PTPRD: variants seen among roughly 807,000 people sequenced by gnomAD.
PTPRD encodes protein tyrosine phosphatase receptor type D.
In PTPRD, 34 loss-of-function variants were observed where a neutral mutation model predicts 214.5. The observed-to-expected ratio is 0.16, with a 90% CI of 0.12 to 0.21. PTPRD has a LOEUF of 0.21. Ranked by LOEUF, PTPRD falls within the 10% of genes least tolerant of loss-of-function variation. The probability of loss-of-function intolerance (pLI) is 1.00; values close to 1 mark genes in which losing one functional copy is unlikely to be tolerated. For missense variants in PTPRD, 2,545 were observed against 2,398.7 expected, an observed-to-expected ratio of 1.06 and a Z score of -1.27; for synonymous variants, 1,128 against 845.7, an observed-to-expected ratio of 1.33 and a Z score of -5.79.
At chr9:9,369,457 T>C (rs1377382762) in intron 9 of PTPRD, among the ~76,000 whole-genome samples, 1 of 152,136 alleles carries the variant, frequency 6.6e-6, no homozygotes, top group Non-Finnish European at 1.5e-5. Flanking sequence ...GGTGGGGTTG[T>C]TTGCTTTTTT....
intron 10 of PTPRD, among the ~76,000 whole-genome samples, chr9:9,172,344 C>G (rs1194708413): frequency 6.6e-6 from 1 of 152,080 alleles, no homozygotes; most frequent in Non-Finnish European, 1.5e-5. Context: ...AACAATGACA[C>G]AGTAGCAAAG....
At chr9:9,520,157 A>T (rs1322303927) in intron 8 of PTPRD, among the ~76,000 whole-genome samples, 1 of 151,396 alleles carries the variant, frequency 6.6e-6, no homozygotes, top group Non-Finnish European at 1.5e-5. Context: ...ATTTTATGAC[A>T]GGGTTTCTGT....
At chr9:10,459,698 G>A (rs776852824) in intron 2 of PTPRD, among the ~76,000 whole-genome samples, 3 of 151,184 alleles carry the variant, frequency 2.0e-5, no homozygotes, top group Non-Finnish European at 4.4e-5. Context: ...TTGCCTAAAT[G>A]TCTTCTTTTG....
intron 9 of PTPRD, among the ~76,000 whole-genome samples, chr9:9,191,223 T>C (rs768158957): frequency 5.9e-5 from 9 of 152,130 alleles, no homozygotes; most frequent in Admixed American, 2.0e-4. Flanking sequence ...GAAGGGCCCA[T>C]GTGGCAAAAG....
chr9:9,126,470 A>G (rs190981424), intron 10 of PTPRD, among the ~76,000 whole-genome samples: 1 of 152,372 alleles, frequency 6.6e-6, no homozygotes, highest in African/African-American at 2.4e-5. Context: ...ATTTTACCAT[A>G]GGTTAACTGA....
At chr9:10,113,356 G>A (rs1272957951) in intron 3 of PTPRD, among the ~76,000 whole-genome samples, 1 of 152,144 alleles carries the variant, frequency 6.6e-6, no homozygotes, top group African/African-American at 2.4e-5. Flanking sequence ...TCAGGCCACT[G>A]GGCTCACAAT....
chr9:8,575,295 T>G (rs1446192648), intron 14 of PTPRD, among the ~76,000 whole-genome samples: 1 of 152,164 alleles, frequency 6.6e-6, no homozygotes, highest in Non-Finnish European at 1.5e-5. Context: ...TCTGAGTGAA[T>G]TGAGTATCCA....
intron 10 of PTPRD, among the ~76,000 whole-genome samples, chr9:9,105,421 G>C (rs574166459): frequency 6.6e-6 from 1 of 152,264 alleles, no homozygotes; most frequent in East Asian, 1.9e-4. Flanking sequence ...AGTGACTATA[G>C]TTGATAAAAA....
chr9:10,530,410 T>C lies in PTPRD; in HGVS notation c.-600+81988A>G, dbSNP rs548930809. On this transcript the variant is annotated intron_variant, in intron 2 of 45. Coordinates refer to ENST00000381196, the MANE Select transcript of PTPRD (RefSeq NM_002839.4). ...AAACCCCATGCAAATGGAGTACATC[T>C]TTTTTACAAACTCACTTTTGTCTTG... Among the ~76,000 whole-genome samples the C allele has an allele frequency of 2.6e-5, 4 of 152,324 alleles. No individual in the cohort carries two copies. The South Asian group carries it at 8.3e-4, about 32-fold the overall frequency.
chr9:10,089,320 T>C (rs1181157911), intron 3 of PTPRD, among the ~76,000 whole-genome samples: 1 of 151,638 alleles, frequency 6.6e-6, no homozygotes, highest in African/African-American at 2.4e-5. Context: ...TTAGTTATGA[T>C]AGTATTTATG....
intron 34 of PTPRD, among the ~76,000 whole-genome samples, chr9:8,443,380 A>G (rs2095613971): frequency 6.6e-6 from 1 of 152,238 alleles, no homozygotes; most frequent in Admixed American, 6.5e-5. Context: ...TCCAATTAAT[A>G]GTATTAATAG....
At chr9:9,060,903 C>G (rs1444758670) in intron 10 of PTPRD, among the ~76,000 whole-genome samples, 2 of 152,218 alleles carry the variant, frequency 1.3e-5, no homozygotes, top group South Asian at 4.1e-4. Context: ...GAATCCTATT[C>G]AGCAATAAAT....
At chr9:10,317,137 T>G (rs2096456155) in intron 3 of PTPRD, among the ~76,000 whole-genome samples, 1 of 151,924 alleles carries the variant, frequency 6.6e-6, no homozygotes, top group Non-Finnish European at 1.5e-5. Flanking sequence ...TTGAGCAATA[T>G]AGAAACACTA....
In PTPRD at chr9:10,363,526, G is replaced by A. The variant is rs575448007; in HGVS notation, c.-599-22509C>T. 1.2e-4 allele frequency among the ~76,000 whole-genome samples: 19 copies of A among 152,222 alleles called. No homozygotes were observed. The South Asian group carries it at 4.0e-3, about 32-fold the overall frequency. On this transcript the variant is annotated intron_variant, in intron 2 of 45. Transcript: ENST00000381196. ...TTCTTCAAGCTCCACTTGGGGACAT[G>A]GTGCAATGATTTGTCTGGATATTTC...
At chr9:9,154,253 T>A (rs1023538356) in intron 10 of PTPRD, among the ~76,000 whole-genome samples, 1 of 152,234 alleles carries the variant, frequency 6.6e-6, no homozygotes, top group African/African-American at 2.4e-5. Context: ...GCTGAGATTC[T>A]GTGGTTGTTT....
chr9:9,575,717 CAAAAAAAAAAAAAAA>C (rs757614546), intron 7 of PTPRD, among the ~76,000 whole-genome samples: 3 of 33,310 alleles, frequency 9.0e-5, no homozygotes, highest in Admixed American at 1.2e-3. Context: ...AAGACTGTCT[CAAAAAAAAAAAAAAA>C]AAAAAAAAAA....
At chr9:9,844,157 GT>G (rs987181192) in intron 5 of PTPRD, among the ~76,000 whole-genome samples, 3 of 151,700 alleles carry the variant, frequency 2.0e-5, no homozygotes, top group African/African-American at 7.3e-5. Context: ...TAATTTTATT[GT>G]TTTTTGTCTA....
chr9:8,777,858 A>T (rs1295846711), intron 11 of PTPRD, among the ~76,000 whole-genome samples: 1 of 152,192 alleles, frequency 6.6e-6, no homozygotes, highest in Non-Finnish European at 1.5e-5. Context: ...TTTTTATCAA[A>T]TTGTAGTTTC....
At chr9:9,105,696 A>T (rs1040449998) in intron 10 of PTPRD, among the ~76,000 whole-genome samples, 5 of 152,186 alleles carry the variant, frequency 3.3e-5, no homozygotes, top group African/African-American at 1.2e-4. Flanking sequence ...TGGATTAAAC[A>T]TACTGAATGA....
Sources: allele counts gnomAD v4.1 joint callset (sites outside exome capture counted in the v4.1 genomes callset), GRCh38; gene constraint gnomAD v4.1.1; transcripts MANE v1.5; gene names NCBI Gene and HGNC (gene_info 2026-07-23, HGNC 2026-07-21).